Variants in CPPED1 observed in about 807,000 individuals in gnomAD.
CPPED1 encodes calcineurin like phosphoesterase domain containing 1.
CPPED1 carries 28 observed loss-of-function variants against 28.0 expected under a neutral mutation model. The ratio of observed to expected loss-of-function variants is 1.00; its 90% CI spans 0.74 to 1.37. The LOEUF is 1.37. Among genes scored for constraint, CPPED1 ranks in the 40% most tolerant of loss-of-function variants. The pLI is 0.00. For missense variants in CPPED1, 504 were observed against 416.5 expected, an observed-to-expected ratio of 1.21 and a Z score of -1.83; for synonymous variants, 198 against 180.2, an observed-to-expected ratio of 1.10 and a Z score of -0.79.
intron 2 of CPPED1, among the ~76,000 whole-genome samples, chr16:12,747,089 G>T (rs2080294192): frequency 1.3e-5 from 2 of 151,514 alleles, no homozygotes; most frequent in South Asian, 4.2e-4. Context: ...AAAAGAAGAA[G>T]AATGGGAAAT....
intron 2 of CPPED1, among the ~76,000 whole-genome samples, chr16:12,759,971 CA>C (rs979612897): frequency 1.3e-5 from 2 of 152,228 alleles, no homozygotes; most frequent in African/African-American, 4.8e-5. Context: ...GACAAATGGA[CA>C]ACCACTGAAA....
At chr16:12,680,949 G>T (rs963219040) in intron 3 of CPPED1, among the ~76,000 whole-genome samples, 1 of 152,184 alleles carries the variant, frequency 6.6e-6, no homozygotes, top group South Asian at 2.1e-4. Context: ...AAAGCATCTG[G>T]TTTATCTTAG....
intron 1 of CPPED1, among the ~76,000 whole-genome samples, chr16:12,796,082 T>TA (rs551067365): frequency 0.053 from 6,907 of 131,350 alleles, 337 homozygotes; most frequent in African/African-American, 0.13. Flanking sequence ...GACTTTGTCT[T>TA]AAAAAAAAAA....
intron 3 of CPPED1, among the ~76,000 whole-genome samples, chr16:12,699,436 C>A (rs1200562621): frequency 6.6e-6 from 1 of 152,028 alleles, no homozygotes; most frequent in Non-Finnish European, 1.5e-5. Context: ...CACAGCACAC[C>A]CCTCCACTCC....
At chr16:12,721,979 T>A (rs1377375776) in intron 2 of CPPED1, among the ~76,000 whole-genome samples, 3 of 152,056 alleles carry the variant, frequency 2.0e-5, no homozygotes, top group African/African-American at 4.8e-5. Context: ...TTAGTAAGAA[T>A]GTTTTTTTTT....
At chr16:12,791,056 T>C (rs910216515) in intron 1 of CPPED1, among the ~76,000 whole-genome samples, 6 of 152,018 alleles carry the variant, frequency 3.9e-5, no homozygotes, top group African/African-American at 1.2e-4. Flanking sequence ...CTTTTTTTTT[T>C]TTTTAATTTT....
intron 2 of CPPED1, among the ~76,000 whole-genome samples, chr16:12,726,631 C>G (rs2080171555): frequency 1.3e-5 from 2 of 152,022 alleles, no homozygotes; most frequent in Admixed American, 1.3e-4. Flanking sequence ...GCGTAAGCCA[C>G]TGCACCAGGC....
At chr16:12,744,332 G>GCAAGCAAT (rs1444225135) in intron 2 of CPPED1, among the ~76,000 whole-genome samples, 114 of 152,120 alleles carry the variant, frequency 7.5e-4, no homozygotes, top group African/African-American at 2.6e-3. Flanking sequence ...AAGCAAGCAA[G>GCAAGCAAT]CAAGCAAGCA....
intron 2 of CPPED1, among the ~76,000 whole-genome samples, chr16:12,720,581 G>A (rs1052757139): frequency 3.3e-5 from 5 of 152,158 alleles, no homozygotes; most frequent in African/African-American, 1.2e-4. Flanking sequence ...TCTGCCTCCT[G>A]GATTCAAGCG....
rs994761962 is a variant in CPPED1 at position 12,663,465 on chromosome 16, A to G, written c.*1421T>C. ...ACAAATACAAAACAGGATTTCAGCA[A>G]AACACTAAAAGAAGAGCGTTCTAGT... On this transcript the variant is annotated 3_prime_UTR_variant, in exon 4 of 4. Transcript: ENST00000381774. 6.6e-6 allele frequency: 1 copy of G among 152,210 alleles called. No homozygotes were observed. Among genetic ancestry groups the G allele is most frequent in the Admixed American group, 6.5e-5 (1 of 15,284 alleles). 9.4% of individuals were successfully genotyped at this position (152,210 alleles called of 1,614,324 possible).
At chr16:12,792,650 C>T (rs1041916962) in intron 1 of CPPED1, among the ~76,000 whole-genome samples, 1 of 152,122 alleles carries the variant, frequency 6.6e-6, no homozygotes. Flanking sequence ...TGGGAAGGAC[C>T]TGGTGGGAGG....
chr16:12,797,476 G>T (rs2141247447), intron 1 of CPPED1, among the ~76,000 whole-genome samples: 1 of 151,606 alleles, frequency 6.6e-6, no homozygotes. Flanking sequence ...CATGGCTTGA[G>T]CCCAGGAGGG....
At chr16:12,669,125 T>C (rs74011935) in intron 3 of CPPED1, among the ~76,000 whole-genome samples, 7,769 of 152,264 alleles carry the variant, frequency 0.051, 617 homozygotes, top group African/African-American at 0.18. Context: ...GGTCTACCCA[T>C]ACAATGGGAT....
At chr16:12,672,554 G>A (rs1398588691) in intron 3 of CPPED1, among the ~76,000 whole-genome samples, 1 of 152,190 alleles carries the variant, frequency 6.6e-6, no homozygotes, top group Non-Finnish European at 1.5e-5. Flanking sequence ...TGCCTTAGAA[G>A]GTTTGTGTGC....
intron 2 of CPPED1, among the ~76,000 whole-genome samples, chr16:12,726,340 CTTTTTT>C (rs35865113): frequency 9.3e-6 from 1 of 107,386 alleles, no homozygotes; most frequent in East Asian, 2.8e-4. Context: ...GCACCCAGCC[CTTTTTT>C]TTTTTTTTTT....
chr16:12,788,919 G>A (rs181744327), intron 1 of CPPED1, among the ~76,000 whole-genome samples: 6 of 152,186 alleles, frequency 3.9e-5, no homozygotes, highest in South Asian at 2.1e-4. Context: ...AGGCACAGGC[G>A]GGGACCCAGA....
At chr16:12,723,588 T>G (rs544184670) in intron 2 of CPPED1, among the ~76,000 whole-genome samples, 1 of 152,200 alleles carries the variant, frequency 6.6e-6, no homozygotes, top group South Asian at 2.1e-4. Flanking sequence ...CTACCAACAC[T>G]TTGGTCTCAG....
chr16:12,734,409 C>CG (rs2080216250), intron 2 of CPPED1, among the ~76,000 whole-genome samples: 1 of 147,444 alleles, frequency 6.8e-6, no homozygotes. Flanking sequence ...GACGGAGTCT[C>CG]GCTCTTGTCG....
chr16:12,797,671 A>G (rs1055958007), intron 1 of CPPED1, among the ~76,000 whole-genome samples: 1 of 152,206 alleles, frequency 6.6e-6, no homozygotes, highest in Non-Finnish European at 1.5e-5. Flanking sequence ...TGGGCCACAC[A>G]TGAAATACAC....
Sources: allele counts gnomAD v4.1 joint callset (sites outside exome capture counted in the v4.1 genomes callset), GRCh38; gene constraint gnomAD v4.1.1; transcripts MANE v1.5; gene names NCBI Gene and HGNC (gene_info 2026-07-23, HGNC 2026-07-21).